The following ANK3 variants were observed in gnomAD, a reference collection of about 807,000 sequenced individuals.
ANK3 encodes ankyrin-3.
Under a neutral mutation model 370.9 loss-of-function variants are expected in ANK3, and 57 were observed. That is an observed-to-expected ratio of 0.15 (90% CI 0.12 to 0.19). The LOEUF (loss-of-function observed/expected upper bound fraction) is 0.19. Ranked by LOEUF, ANK3 falls within the 10% of genes least tolerant of loss-of-function variation. ANK3 has a pLI of 1.00. For missense variants in ANK3, 4,439 were observed against 5,302.1 expected, an observed-to-expected ratio of 0.84 and a Z score of 5.06; for synonymous variants, 1,929 against 1,946.3, an observed-to-expected ratio of 0.99 and a Z score of 0.23.
intron 1 of ANK3, among the ~76,000 whole-genome samples, chr10:60,721,525 G>A (rs2079863220): frequency 6.6e-6 from 1 of 152,128 alleles, no homozygotes; most frequent in Non-Finnish European, 1.5e-5. Flanking sequence ...ATCATAAAAG[G>A]TTTTTAAACA....
At chr10:60,549,537 T>C (rs1007923016) in intron 2 of ANK3, among the ~76,000 whole-genome samples, 2 of 152,156 alleles carry the variant, frequency 1.3e-5, no homozygotes, top group Non-Finnish European at 2.9e-5. Flanking sequence ...CATAATTAAC[T>C]GAACTAGTGC....
chr10:60,045,820 T>G (rs72818469), intron 42 of ANK3, among the ~76,000 whole-genome samples: 5,361 of 152,318 alleles, frequency 0.035, 138 homozygotes, highest in South Asian at 0.083. Context: ...ATATGTCATG[T>G]GACCATATGT....
intron 2 of ANK3, among the ~76,000 whole-genome samples, chr10:60,519,242 C>T (rs1342098237): frequency 1.3e-5 from 2 of 152,086 alleles, no homozygotes; most frequent in Admixed American, 6.6e-5. Flanking sequence ...GCTTTTGTGG[C>T]TTGAGGCACT....
intron 1 of ANK3, among the ~76,000 whole-genome samples, chr10:60,702,095 C>CA (rs1331105566): frequency 1.3e-5 from 2 of 151,166 alleles, no homozygotes; most frequent in African/African-American, 4.9e-5. Context: ...TCCATCTCTA[C>CA]AAAAAAAAGT....
chr10:60,289,487 C>T (rs1348635036), intron 1 of ANK3, among the ~76,000 whole-genome samples: 1 of 151,960 alleles, frequency 6.6e-6, no homozygotes, highest in Non-Finnish European at 1.5e-5. Flanking sequence ...TCATGGCTCG[C>T]TGTAGCCTCG....
chr10:60,093,984 A>G (rs1417001733), intron 28 of ANK3, among the ~76,000 whole-genome samples: 1 of 151,974 alleles, frequency 6.6e-6, no homozygotes, highest in East Asian at 1.9e-4. Context: ...TTGACCTTCA[A>G]TGTACATTTT....
At chr10:60,092,376 A>C (rs2088786719) in intron 28 of ANK3, among the ~76,000 whole-genome samples, 1 of 152,162 alleles carries the variant, frequency 6.6e-6, no homozygotes, top group South Asian at 2.1e-4. Flanking sequence ...CTTATTTCAA[A>C]TAGAAACTTG....
rs57285526 is a variant in ANK3, at chr10:60,481,464, G to GATAT, written c.96+133718_96+133721dup. ...TCCTATTGGCTATGAACACAAGGAA[G>GATAT]ATATATATATATATTTGAGATAGAG... On this transcript the variant is annotated intron_variant, in intron 2 of 43. Coordinates refer to the ANK3 transcript ENST00000373827. Among the ~76,000 whole-genome samples the GATAT allele has an allele frequency of 8.8e-3, 1,333 of 150,966 alleles. 45 individuals are homozygous for GATAT. Among genetic ancestry groups the GATAT allele is most frequent in the Admixed American group, 0.059 (900 of 15,156 alleles).
At chr10:60,353,425 T>G (rs2132706681) in intron 1 of ANK3, among the ~76,000 whole-genome samples, 1 of 152,306 alleles carries the variant, frequency 6.6e-6, no homozygotes, top group African/African-American at 2.4e-5. Flanking sequence ...TGTGTCAAAC[T>G]TTCCTTGGTT....
At chr10:60,333,520 GT>G (rs371487708) in intron 1 of ANK3, among the ~76,000 whole-genome samples, 8 of 152,258 alleles carry the variant, frequency 5.3e-5, no homozygotes, top group African/African-American at 1.9e-4. Flanking sequence ...GGGTGTATAT[GT>G]GGCATATTTT....
At position 60,105,450 on chromosome 10, in the gene ANK3, T is replaced by G. The variant is rs917889230; in HGVS notation, c.3328+455A>C. Among the ~76,000 whole-genome samples the G allele has an allele frequency of 1.3e-4, 20 of 152,280 alleles. No individual in the cohort carries two copies. In the East Asian group the frequency reaches 3.7e-3, roughly 28 times the overall value. ...TGAAACATTTTTTAAAGACTAATTA[T>G]GGCCCAAGAGAAATCAAAAATTTAT... On this transcript the variant is annotated intron_variant, in intron 28 of 43. Coordinates refer to ENST00000280772, the MANE Select transcript of ANK3 (RefSeq NM_020987.5).
At chr10:60,312,723 T>C (rs2046611639) in intron 1 of ANK3, among the ~76,000 whole-genome samples, 1 of 152,244 alleles carries the variant, frequency 6.6e-6, no homozygotes, top group Non-Finnish European at 1.5e-5. Flanking sequence ...AAAAGCTAAT[T>C]AATTTCCAAT....
chr10:60,335,600 G>A (rs2052632178), intron 1 of ANK3, among the ~76,000 whole-genome samples: 1 of 152,126 alleles, frequency 6.6e-6, no homozygotes, highest in Non-Finnish European at 1.5e-5. Context: ...AGGCAATGAA[G>A]GCAATTTTGG....
At chr10:60,035,079 C>T (rs2074609475) in intron 43 of ANK3, among the ~76,000 whole-genome samples, 1 of 152,076 alleles carries the variant, frequency 6.6e-6, no homozygotes, top group African/African-American at 2.4e-5. Flanking sequence ...AAAAACCTAA[C>T]AGTAATAAAA....
intron 1 of ANK3, among the ~76,000 whole-genome samples, chr10:60,662,506 A>C (rs1163507253): frequency 6.6e-6 from 1 of 152,176 alleles, no homozygotes; most frequent in African/African-American, 2.4e-5. Context: ...AAATCCTAAC[A>C]ATCTAACCTA....
intron 2 of ANK3, among the ~76,000 whole-genome samples, chr10:60,547,449 G>A (rs1427431722): frequency 9.2e-5 from 14 of 151,838 alleles, no homozygotes; most frequent in Admixed American, 9.2e-4. Context: ...TTGCCCGGCT[G>A]GAGTGGCGCG....
chr10:60,572,358 G>T, intron 2 of ANK3: 1 of 1,121,284 alleles, frequency 8.9e-7, no homozygotes, highest in Non-Finnish European at 1.2e-6. Flanking sequence ...GATTCTAGCA[G>T]CTTCTTAAAA....
At chr10:60,457,956 T>C (rs1271919060) in intron 2 of ANK3, among the ~76,000 whole-genome samples, 2 of 152,226 alleles carry the variant, frequency 1.3e-5, no homozygotes, top group African/African-American at 2.4e-5. Flanking sequence ...ATTTCACAAA[T>C]GTCTTGGGTT....
intron 2 of ANK3, among the ~76,000 whole-genome samples, chr10:60,464,754 C>A (rs2064970644): frequency 6.6e-6 from 1 of 152,160 alleles, no homozygotes; most frequent in Admixed American, 6.5e-5. Flanking sequence ...ACACAAATGT[C>A]ACTTTTAATT....
Sources: allele counts gnomAD v4.1 joint callset (sites outside exome capture counted in the v4.1 genomes callset), GRCh38; gene constraint gnomAD v4.1.1; transcripts MANE v1.5; gene names NCBI Gene and HGNC (gene_info 2026-07-23, HGNC 2026-07-21).